ANKRD24: variants seen among roughly 807,000 people sequenced by gnomAD.
ANKRD24 encodes the protein ankyrin repeat domain-containing protein 24.
In ANKRD24, 109 loss-of-function variants were observed where a neutral mutation model predicts 127.8. The ratio of observed to expected loss-of-function variants is 0.85; its 90% CI spans 0.73 to 1.00. The LOEUF is 1.00. Ranked by LOEUF, ANKRD24 falls within the 50% of genes least tolerant of loss-of-function variation. The probability of loss-of-function intolerance (pLI) is 0.00; values close to 1 mark genes in which losing one functional copy is unlikely to be tolerated. For missense variants in ANKRD24, 1,648 were observed against 1,570.2 expected, an observed-to-expected ratio of 1.05 and a Z score of -0.84; for synonymous variants, 743 against 671.1, an observed-to-expected ratio of 1.11 and a Z score of -1.66.
At chr19:4,213,062 C>CAGAG (rs1568335267) in intron 15 of ANKRD24, among the ~76,000 whole-genome samples, 58 of 152,204 alleles carry the variant, frequency 3.8e-4, no homozygotes, top group Middle Eastern at 3.4e-3. Flanking sequence ...ACCCGGGAGG[C>CAGAG]GTAGTCTGCA....
At position 4,216,311 on chromosome 19, in the gene ANKRD24, T is replaced by G; in HGVS notation, c.1298T>G (p.Leu433Arg). 1 of 1,558,440 alleles carries G rather than the reference T, an allele frequency of 6.4e-7. No homozygotes were observed. The highest frequency in any genetic ancestry group is 2.4e-5 in the East Asian group (1 of 41,468). The change falls in exon 17 of 22, where the codon CTC becomes CGC. Residue 433 changes from leucine (L) to arginine (R), a missense_variant. Transcript: ENST00000318934. ...PGAEVLLSRQ[L>R]SPSAQEHLAS... ...GCCGAGGTGCTGCTGTCCAGACAAC[T>G]CAGTCCGTCGGCCCAGGAACACCTG...
intron 13 of ANKRD24, among the ~76,000 whole-genome samples, chr19:4,211,165 T>C (rs1389293242): frequency 6.6e-6 from 1 of 152,162 alleles, no homozygotes; most frequent in Non-Finnish European, 1.5e-5. Context: ...TTGCTGCTAT[T>C]GGGCATGCAT....
At chr19:4,188,921 C>T (rs1277654600) in intron 2 of ANKRD24, among the ~76,000 whole-genome samples, 1 of 152,146 alleles carries the variant, frequency 6.6e-6, no homozygotes, top group Non-Finnish European at 1.5e-5. Flanking sequence ...AATTCTCCTG[C>T]CTCAGCCTTC....
rs548587472 is a variant in ANKRD24, at chr19:4,216,537, C to T, written c.1390-13C>T. On this transcript the variant is annotated splice_polypyrimidine_tract_variant and intron_variant, in intron 17 of 21. Coordinates refer to ENST00000318934, the MANE Select transcript of ANKRD24 (RefSeq NM_001393985.1). ...ACTCCTGCCAGACTCCTGCCCCCCA[C>T]TCCACTCCCCAGATCCTGGAGAACT... 2.1e-5 allele frequency: 33 copies of T among 1,595,592 alleles called. No homozygotes were observed. Among genetic ancestry groups the T allele is most frequent in the Non-Finnish European group, 2.7e-5 (32 of 1,169,882 alleles).
chr19:4,207,906 C>A lies in ANKRD24; in HGVS notation c.770C>A (p.Ala257Glu). 6.4e-7 allele frequency: 1 copy of A among 1,555,182 alleles called. No homozygotes were observed. The highest frequency in any genetic ancestry group is 8.7e-7 in the Non-Finnish European group (1 of 1,152,204). ...GQDAAHYGALAGDKLILHLLQ... is the reference protein window; with the variant it reads ...GQDAAHYGALEGDKLILHLLQ... ...GACGCGGCTCACTATGGCGCCCTGG[C>A]GGGGGACAAACTCATCCTGCACCTT... Residue 257 changes from alanine (A) to glutamate (E), a missense_variant, in exon 10 of 22, where the codon GCG (alanine) becomes GAG (glutamate). By Grantham distance (107) the Ala-to-Glu change is moderately radical. Coordinates refer to ENST00000318934, the MANE Select transcript of ANKRD24 (RefSeq NM_001393985.1).
At position 4,198,530 on chromosome 19, in the gene ANKRD24, G is replaced by T. The variant is rs1968902243; in HGVS notation, c.37-1153G>T. On this transcript the variant is annotated intron_variant, in intron 2 of 21. Coordinates refer to ENST00000318934, the MANE Select transcript of ANKRD24 (RefSeq NM_001393985.1). The surrounding 1 kb of genome is among the most constrained non-coding windows in gnomAD (Gnocchi z 6.1). The stretch of plus-strand genomic sequence containing the variant: ...GTGTCTGTGCGCAGCCGCCTCCTTC[G>T]CGGTAGGGCCCGGGGAGGGGGCGCA... 1 of 600,212 alleles carries T rather than the reference G, an allele frequency of 1.7e-6. No individual in the cohort carries two copies. Among genetic ancestry groups the T allele is most frequent in the South Asian group, 1.8e-5 (1 of 55,916 alleles). 37.2% of individuals were successfully genotyped at this position (600,212 alleles called of 1,614,324 possible). A position where few individuals can be genotyped will look rare whatever the true frequency, so the allele number is the denominator to read the frequency against.
chr19:4,215,750 GGGTGACAGAGTAAGACCCT>G (rs1389498552), intron 15 of ANKRD24, among the ~76,000 whole-genome samples: 1 of 146,874 alleles, frequency 6.8e-6, no homozygotes, highest in African/African-American at 2.5e-5. Flanking sequence ...ACTCCAGCCT[GGGTGACAGAGTAAGACCCT>G]GGCTCCAAAA....
intron 15 of ANKRD24, among the ~76,000 whole-genome samples, chr19:4,214,400 C>A (rs1268007627): frequency 6.6e-6 from 1 of 152,076 alleles, no homozygotes; most frequent in Non-Finnish European, 1.5e-5. Flanking sequence ...CTCCTGGCCT[C>A]AAGTAATCCT....
chr19:4,202,558 G>A (rs1326823564), intron 6 of ANKRD24, among the ~76,000 whole-genome samples: 1 of 151,780 alleles, frequency 6.6e-6, no homozygotes, highest in Non-Finnish European at 1.5e-5. Flanking sequence ...CAACAAGAGC[G>A]AAACACCATC....
At chr19:4,208,673 A>G (rs748935041) in intron 10 of ANKRD24, 91 bp from the exon 11 acceptor site, 1 of 1,289,454 alleles carries the variant, frequency 7.8e-7, no homozygotes, top group Non-Finnish European at 1.1e-6. Flanking sequence ...TCTTGGGGAA[A>G]TCGGGAGCCC....
rs1034063621 is a variant in ANKRD24, at chr19:4,199,437, C to T, written c.37-246C>T. On this transcript the variant is annotated intron_variant, in intron 2 of 21. Transcript: ENST00000318934. This position sits in a 1 kb window ranked among gnomAD's most constrained non-coding sequence, Gnocchi z 5.2. The stretch of plus-strand genomic sequence containing the variant: ...ATGGTGCCCAGGTTTGTCTCAAACT[C>T]CTAGGCTCAAGCGATCCTCCCACCT... 1.1e-6 allele frequency: 1 copy of T among 934,886 alleles called. No individual in the cohort carries two copies. The highest frequency in any genetic ancestry group is 1.3e-6 in the Non-Finnish European group (1 of 783,972). 57.9% of individuals were successfully genotyped at this position (934,886 alleles called of 1,614,324 possible).
At chr19:4,182,843 A>T (rs1967803738) in intron 1 of ANKRD24, 103 bp downstream of exon 1, 1 of 680,502 alleles carries the variant, frequency 1.5e-6, no homozygotes, top group South Asian at 6.6e-5. Context: ...TGCGGGACAC[A>T]GGCTATCCAT....
Position 4,216,741 on chromosome 19 carries a change from G to C in ANKRD24, c.1581G>C (p.Gly527=). Reference sequence around the variant, plus strand: ...CCAGAGAAGAGGGGGCAGCCTGTGGGGAGAGTGAGGTTGCTGGAGCCACGG... The same window carrying C: ...CCAGAGAAGAGGGGGCAGCCTGTGGCGAGAGTGAGGTTGCTGGAGCCACGG... ...EVPREEGAAC[G]ESEVAGATAT... The change falls in exon 18 of 22, where the codon GGG becomes GGC. Residue 527 remains glycine (G), a synonymous_variant. Coordinates refer to ENST00000318934, the MANE Select transcript of ANKRD24 (RefSeq NM_001393985.1). 2 of 1,579,512 alleles carry C rather than the reference G, an allele frequency of 1.3e-6. No homozygotes were observed. Among genetic ancestry groups the C allele is most frequent in the Non-Finnish European group, 1.7e-6 (2 of 1,163,324 alleles).
At position 4,195,492 on chromosome 19, in the gene ANKRD24, C is replaced by G. The variant is rs1433063148; in HGVS notation, c.37-4191C>G. Among the ~76,000 whole-genome samples, 5 of 152,146 alleles carry G rather than the reference C, an allele frequency of 3.3e-5. No homozygotes were observed. Among genetic ancestry groups the G allele is most frequent in the Admixed American group, 3.3e-4 (5 of 15,270 alleles). ...CTCTGGAGAAGCTCAGAGGACCTCC[C>G]CACCCCCAAGGGTGGAAGGAGAGAA... On this transcript the variant is annotated intron_variant, in intron 2 of 21. Transcript: ENST00000318934. The surrounding 1 kb of genome is among the most constrained non-coding windows in gnomAD (Gnocchi z 4.2).
rs144351919 is a variant in ANKRD24 at position 4,191,126 on chromosome 19, G to A, written c.36+4665G>A. On this transcript the variant is annotated intron_variant, in intron 2 of 21. Transcript: ENST00000318934. ...TTAGCCCATAGCCTGGGCTGGAACT[G>A]TTGCAGCAGATGGGAGGCCTGGCTG... Among the ~76,000 whole-genome samples, 205 of 152,336 alleles carry A rather than the reference G, an allele frequency of 1.3e-3. 1 individual carries two copies. The highest frequency in any genetic ancestry group is 4.8e-3 in the African/African-American group (199 of 41,584).
chr19:4,212,803 C>A, intron 15 of ANKRD24, 105 bp downstream of exon 15: 1 of 1,068,538 alleles, frequency 9.4e-7, no homozygotes, highest in Non-Finnish European at 1.4e-6. Context: ...GCCTCACACA[C>A]GTGCAAACAC....
rs751360042 is a variant in ANKRD24 at position 4,202,043 on chromosome 19, C to T, written c.361C>T (p.Leu121=). The T allele has an allele frequency of 3.1e-6, 5 of 1,613,884 alleles. No homozygotes were observed. The highest frequency in any genetic ancestry group is 4.2e-6 in the Non-Finnish European group (5 of 1,179,834). The stretch of plus-strand genomic sequence containing the variant: ...TTCCCCAGGTTACAATGCCCTCCAC[C>T]TGGCCGCCAAATACGGGCACCCACA... ...ADGAGYNALH[L]AAKYGHPQCL... The change falls in exon 6 of 22, where the codon CTG becomes TTG. Residue 121 remains leucine, a synonymous_variant. Coordinates refer to ENST00000318934, the MANE Select transcript of ANKRD24 (RefSeq NM_001393985.1).
At chr19:4,221,137 G>A (rs1970418710) in intron 19 of ANKRD24, among the ~76,000 whole-genome samples, 3 of 151,678 alleles carry the variant, frequency 2.0e-5, no homozygotes, top group African/African-American at 7.3e-5. Flanking sequence ...GAAGTACAGT[G>A]GCATGATTTT....
At chr19:4,213,962 G>A (rs1203280771) in intron 15 of ANKRD24, among the ~76,000 whole-genome samples, 7 of 152,016 alleles carry the variant, frequency 4.6e-5, no homozygotes, top group African/African-American at 1.7e-4. Context: ...CTAAGCATAC[G>A]CATCCATGCA....
Sources: allele counts gnomAD v4.1 joint callset (sites outside exome capture counted in the v4.1 genomes callset), GRCh38; gene constraint gnomAD v4.1.1; non-coding constraint Gnocchi (gnomAD v3.1); transcripts MANE v1.5; gene names NCBI Gene and HGNC (gene_info 2026-07-23, HGNC 2026-07-21).